The following RNGTT variants were observed in gnomAD, a reference collection of about 807,000 sequenced individuals.
RNGTT encodes the protein mRNA-capping enzyme.
A neutral mutation model predicts 79.3 loss-of-function variants in RNGTT; 33 were observed. The observed-to-expected ratio is 0.42, with a 90% confidence interval of 0.32 to 0.56. The LOEUF (loss-of-function observed/expected upper bound fraction) is 0.56, where lower values mean the gene tolerates loss of function less well. Among genes scored for constraint, RNGTT ranks in the 20% least tolerant of loss-of-function variants. RNGTT has a pLI of 0.17. For synonymous variants in RNGTT, 222 were observed against 235.9 expected, an observed-to-expected ratio of 0.94 and a Z score of 0.54; for missense variants, 497 against 739.1, an observed-to-expected ratio of 0.67 and a Z score of 3.80.
intron 14 of RNGTT, among the ~76,000 whole-genome samples, chr6:88,630,198 G>A (rs1772801328): frequency 6.6e-6 from 1 of 152,168 alleles, no homozygotes; most frequent in Admixed American, 6.5e-5. Flanking sequence ...CTATGGAATG[G>A]TGAAAAGTAA....
intron 12 of RNGTT, among the ~76,000 whole-genome samples, chr6:88,799,052 T>G (rs575112554): frequency 6.7e-6 from 1 of 149,154 alleles, no homozygotes; most frequent in Non-Finnish European, 1.5e-5. Flanking sequence ...GAAGTAGCAA[T>G]AAAAAAAGAC....
chr6:88,841,861 T>C (rs1781304890), intron 11 of RNGTT, among the ~76,000 whole-genome samples: 1 of 152,246 alleles, frequency 6.6e-6, no homozygotes, highest in African/African-American at 2.4e-5. Flanking sequence ...GGCCTTCTTC[T>C]GAATGCCAAA....
chr6:88,745,617 T>C (rs1777635852), intron 13 of RNGTT, among the ~76,000 whole-genome samples: 1 of 152,240 alleles, frequency 6.6e-6, no homozygotes, highest in Non-Finnish European at 1.5e-5. Flanking sequence ...CATGTGTGAC[T>C]CACATATTTC....
intron 13 of RNGTT, among the ~76,000 whole-genome samples, chr6:88,679,404 G>C (rs543888066): frequency 1.1e-4 from 16 of 152,322 alleles, no homozygotes; most frequent in Admixed American, 9.2e-4. Context: ...AGTATGGACA[G>C]AGTAAGAAAT....
chr6:88,741,344 A>T (rs1777485565), intron 13 of RNGTT, among the ~76,000 whole-genome samples: 1 of 152,150 alleles, frequency 6.6e-6, no homozygotes, highest in African/African-American at 2.4e-5. Flanking sequence ...AGAACAGAAA[A>T]CCGAATACCA....
intron 8 of RNGTT, among the ~76,000 whole-genome samples, chr6:88,883,729 A>G (rs1199262019): frequency 6.6e-6 from 1 of 152,238 alleles, no homozygotes; most frequent in East Asian, 1.9e-4. Flanking sequence ...CAATCTCAGT[A>G]TAAGGAAAGG....
intron 12 of RNGTT, among the ~76,000 whole-genome samples, chr6:88,780,807 C>G (rs1264729457): frequency 6.6e-6 from 1 of 152,084 alleles, no homozygotes; most frequent in Non-Finnish European, 1.5e-5. Context: ...TAGAAGATGG[C>G]CATATGCCAA....
intron 8 of RNGTT, among the ~76,000 whole-genome samples, chr6:88,885,562 A>C (rs926676905): frequency 1.3e-5 from 2 of 152,274 alleles, no homozygotes; most frequent in Non-Finnish European, 2.9e-5. Flanking sequence ...CTTAGCAAAC[A>C]TAACAGTGGT....
intron 6 of RNGTT, among the ~76,000 whole-genome samples, chr6:88,900,493 G>A (rs998993422): frequency 1.3e-5 from 2 of 152,086 alleles, no homozygotes; most frequent in African/African-American, 2.4e-5. Flanking sequence ...CAGCACTTTC[G>A]GAGGTTGAGG....
At chr6:88,849,172 TATGAGGAATACAG>T (rs1465754796) in intron 10 of RNGTT, among the ~76,000 whole-genome samples, 4 of 152,008 alleles carry the variant, frequency 2.6e-5, no homozygotes, top group African/African-American at 9.7e-5. Flanking sequence ...AAGCAGTACT[TATGAGGAATACAG>T]TCAAACAGAA....
chr6:88,644,315 C>A (rs1230532604), intron 14 of RNGTT, among the ~76,000 whole-genome samples: 2 of 152,110 alleles, frequency 1.3e-5, no homozygotes, highest in Non-Finnish European at 2.9e-5. Context: ...GAAGTTGAAT[C>A]TCTGAATAGA....
At chr6:88,936,485 C>T (rs1196623823) in intron 2 of RNGTT, among the ~76,000 whole-genome samples, 1 of 152,162 alleles carries the variant, frequency 6.6e-6, no homozygotes, top group East Asian at 1.9e-4. Flanking sequence ...AGCTTTTCCC[C>T]AATTAGTATG....
intron 9 of RNGTT, among the ~76,000 whole-genome samples, chr6:88,850,681 T>C (rs1228645588): frequency 4.0e-5 from 6 of 151,890 alleles, no homozygotes; most frequent in African/African-American, 1.2e-4. Context: ...ACAAGGAGTG[T>C]AGTTATTTCT....
At chr6:88,632,446 G>A (rs546417906) in intron 14 of RNGTT, among the ~76,000 whole-genome samples, 1 of 151,714 alleles carries the variant, frequency 6.6e-6, no homozygotes, top group South Asian at 2.1e-4. Context: ...AACTTTGCAG[G>A]GCAAATGTTT....
At chr6:88,634,975 GA>G (rs1200915743) in intron 14 of RNGTT, among the ~76,000 whole-genome samples, 1 of 152,106 alleles carries the variant, frequency 6.6e-6, no homozygotes, top group Non-Finnish European at 1.5e-5. Context: ...AATTTTGGAG[GA>G]AAGACTCTTA....
intron 12 of RNGTT, among the ~76,000 whole-genome samples, chr6:88,787,718 G>GT (rs1357357952): frequency 1.3e-5 from 2 of 152,126 alleles, no homozygotes; most frequent in East Asian, 3.9e-4. Context: ...AATGGATGCT[G>GT]TAAGACTGGT....
At chr6:88,651,047 A>C (rs931445698) in intron 14 of RNGTT, among the ~76,000 whole-genome samples, 7 of 152,118 alleles carry the variant, frequency 4.6e-5, no homozygotes, top group Non-Finnish European at 7.4e-5. Flanking sequence ...AACATGACTA[A>C]ATGAGCAGCA....
Position 88,735,287 on chromosome 6 carries a change from A to C in RNGTT, c.1439+34487T>G, listed in dbSNP as rs566035040. 2.6e-5 allele frequency among the ~76,000 whole-genome samples: 4 copies of C among 152,274 alleles called. No homozygotes were observed. The East Asian group carries it at 7.7e-4, about 29-fold the overall frequency. ...TGATAGATCTAACAGGCAGGAAAGCAGTAAAAATGTTGTTGAGTTGATGAG... is the reference window on the plus strand; with the variant it reads ...TGATAGATCTAACAGGCAGGAAAGCCGTAAAAATGTTGTTGAGTTGATGAG... On this transcript the variant is annotated intron_variant, in intron 13 of 15. Transcript: ENST00000369485.
At chr6:88,774,817 G>A (rs1778818063) in intron 12 of RNGTT, among the ~76,000 whole-genome samples, 1 of 152,138 alleles carries the variant, frequency 6.6e-6, no homozygotes, top group East Asian at 1.9e-4. Context: ...CTACAGTATG[G>A]AAGAAAATGG....
Sources: gnomAD v4.1 joint callset for allele counts (sites outside exome capture counted in the v4.1 genomes callset) on GRCh38, gnomAD v4.1.1 for gene constraint, MANE v1.5 for transcripts, NCBI Gene and HGNC (gene_info 2026-07-23, HGNC 2026-07-21) for gene names.